The following KDM3A variants were observed in gnomAD, a reference collection of about 807,000 sequenced individuals.
KDM3A encodes lysine demethylase 3A.
Under a neutral mutation model 158.0 loss-of-function variants are expected in KDM3A, and 60 were observed. The observed-to-expected ratio is 0.38, with a 90% CI of 0.31 to 0.47. KDM3A has a LOEUF of 0.47. Ranked by LOEUF, KDM3A falls within the 20% of genes least tolerant of loss-of-function variation. The pLI, the probability that KDM3A is intolerant of heterozygous loss-of-function variation, is 0.99. For missense variants in KDM3A, 1,319 were observed against 1,574.3 expected, an observed-to-expected ratio of 0.84 and a Z score of 2.74; for synonymous variants, 608 against 549.3, an observed-to-expected ratio of 1.11 and a Z score of -1.49.
intron 3 of KDM3A, among the ~76,000 whole-genome samples, chr2:86,450,293 A>C (rs1300449011): frequency 1.3e-5 from 2 of 152,184 alleles, no homozygotes; most frequent in East Asian, 3.9e-4. Context: ...AAAAATGTGG[A>C]GAATACATCT....
chr2:86,489,100 ACCACT>A, intron 21 of KDM3A: 1 of 493,790 alleles, frequency 2.0e-6, no homozygotes, highest in Non-Finnish European at 3.6e-6. Flanking sequence ...GCCTGCTTTA[ACCACT>A]TCCATTTCCT....
At position 86,466,390 on chromosome 2, in the gene KDM3A, A is replaced by G. The variant is rs144371910; in HGVS notation, c.1026A>G (p.Leu342=). 387 of 1,610,580 alleles carry G rather than the reference A, an allele frequency of 2.4e-4. No individual in the cohort carries two copies. Among genetic ancestry groups the G allele is most frequent in the Non-Finnish European group, 3.2e-4 (376 of 1,178,388 alleles). ...KIPQGCHKQS[L]PEEISSCLNT... ...TTTTCAGATGTCATAAACAAAGTTT[A>G]CCAGAGGAAATTTCTTCCTGTCTAA... Residue 342 remains leucine (L), a synonymous_variant, in exon 10 of 26, where the codon TTA becomes TTG. Transcript: ENST00000312912.
intron 12 of KDM3A, among the ~76,000 whole-genome samples, chr2:86,476,868 C>A: frequency 6.6e-6 from 1 of 152,130 alleles, no homozygotes; most frequent in Admixed American, 6.5e-5. Context: ...TGAGTTAACC[C>A]CAAACTGGAT....
chr2:86,479,548 G>A lies in KDM3A; in HGVS notation c.2317-619G>A, dbSNP rs796156537. On this transcript the variant is annotated intron_variant, in intron 15 of 25. Coordinates refer to ENST00000312912, the MANE Select transcript of KDM3A (RefSeq NM_018433.6). ...TGGGCATCACAGAATTACATCACAT[G>A]TAAAGAGAGGGCCTGGACCACAACA... 1.4e-4 allele frequency: 21 copies of A among 151,770 alleles called. 1 individual carries two copies. The highest frequency in any genetic ancestry group is 5.1e-4 in the African/African-American group (21 of 41,518). 9.4% of individuals were successfully genotyped at this position (151,770 alleles called of 1,614,324 possible).
intron 4 of KDM3A, among the ~76,000 whole-genome samples, chr2:86,452,714 T>A (rs532255917): frequency 6.6e-6 from 1 of 152,220 alleles, no homozygotes; most frequent in Non-Finnish European, 1.5e-5. Flanking sequence ...AAAAGTAGTT[T>A]GGGGTCAGTG....
At chr2:86,440,429 C>T (rs192899000), upstream of KDM3A, among the ~76,000 whole-genome samples, 2 of 152,258 alleles carry the variant, frequency 1.3e-5, no homozygotes, top group African/African-American at 4.8e-5. Flanking sequence ...TTCATTCAAT[C>T]AAAATACTTC....
At chr2:86,467,607 G>T (rs1018264886) in intron 10 of KDM3A, among the ~76,000 whole-genome samples, 11 of 152,314 alleles carry the variant, frequency 7.2e-5, no homozygotes, top group Non-Finnish European at 1.6e-4. Context: ...GTTATCAGAA[G>T]CTCTGTTACT....
Position 86,455,199 on chromosome 2 carries a change from A to G in KDM3A, c.556+12A>G. The stretch of plus-strand genomic sequence containing the variant: ...CCATCTTTTAAAAGGTATATGCATT[A>G]TCTAGTGGTGATAGTTCACGAGTTG... On this transcript the variant is annotated intron_variant, in intron 5 of 25. Transcript: ENST00000312912. The G allele has an allele frequency of 2.1e-6, 3 of 1,409,508 alleles. No homozygotes were observed. Among genetic ancestry groups the G allele is most frequent in the Non-Finnish European group, 3.0e-6 (3 of 1,007,710 alleles). The allele number at this position is 1,409,508 out of a possible 1,614,324, so 87.3% of individuals were successfully genotyped here. A position where few individuals can be genotyped will look rare whatever the true frequency, so the allele number is the denominator to read the frequency against.
At chr2:86,467,880 C>G (rs907468524) in intron 10 of KDM3A, among the ~76,000 whole-genome samples, 3 of 151,920 alleles carry the variant, frequency 2.0e-5, no homozygotes, top group African/African-American at 7.3e-5. Context: ...TAAAAATCAG[C>G]CAGGCATGGT....
intron 10 of KDM3A, among the ~76,000 whole-genome samples, chr2:86,469,566 G>A (rs1313718430): frequency 6.6e-6 from 1 of 152,112 alleles, no homozygotes; most frequent in Admixed American, 6.6e-5. Flanking sequence ...CATAAAATCT[G>A]CATTTACTTA....
chr2:86,487,667 C>T (rs1225299775), intron 21 of KDM3A: 1 of 152,256 alleles, frequency 6.6e-6, no homozygotes, highest in Non-Finnish European at 1.5e-5. Context: ...CCCCATCACC[C>T]AACAGCCCCT....
At chr2:86,484,768 TAGG>T in intron 19 of KDM3A, 171 bp from the exon 20 acceptor site, 1 of 526,768 alleles carries the variant, frequency 1.9e-6, no homozygotes, top group Non-Finnish European at 3.4e-6. Flanking sequence ...GGATAGTTGG[TAGG>T]AGGGGAAAAT....
chr2:86,458,312 T>C (rs1299733326), intron 8 of KDM3A, among the ~76,000 whole-genome samples: 1 of 152,232 alleles, frequency 6.6e-6, no homozygotes, highest in East Asian at 1.9e-4. Flanking sequence ...CCAAAAGCTT[T>C]GTAAACCAGT....
intron 6 of KDM3A, 50 bp from the exon 7 acceptor site, chr2:86,456,755 T>C: frequency 6.8e-7 from 1 of 1,471,558 alleles, no homozygotes; most frequent in Non-Finnish European, 9.5e-7. Context: ...TTTCAGTATG[T>C]TCTTGAGCAT....
chr2:86,475,122 A>AT, intron 12 of KDM3A, 132 bp downstream of exon 12: 1 of 733,606 alleles, frequency 1.4e-6, no homozygotes, highest in Non-Finnish European at 2.3e-6. Context: ...ATGAGGTTGC[A>AT]TTTTTCCTTT....
chr2:86,447,765 A>G (rs1228868741), intron 2 of KDM3A, among the ~76,000 whole-genome samples: 2 of 152,218 alleles, frequency 1.3e-5, no homozygotes, highest in African/African-American at 2.4e-5. Flanking sequence ...TATTTTATAC[A>G]TGTAAAATCA....
At chr2:86,475,851 T>C (rs574467415) in intron 12 of KDM3A, among the ~76,000 whole-genome samples, 1 of 152,298 alleles carries the variant, frequency 6.6e-6, no homozygotes, top group East Asian at 1.9e-4. Context: ...CTTAAGAATT[T>C]TGATTTATTA....
chr2:86,471,868 C>T (rs192089712), intron 11 of KDM3A, among the ~76,000 whole-genome samples: 33 of 152,216 alleles, frequency 2.2e-4, no homozygotes, highest in African/African-American at 7.0e-4. Flanking sequence ...ACGCCTGGCC[C>T]AGAATAAGCT....
chr2:86,485,115 C>T, intron 20 of KDM3A, 86 bp downstream of exon 20: 1 of 783,206 alleles, frequency 1.3e-6, no homozygotes, highest in Non-Finnish European at 2.1e-6. Context: ...AAACAGTTTT[C>T]AAGAAAATAA....
Sources: gnomAD v4.1 joint callset for allele counts (sites outside exome capture counted in the v4.1 genomes callset) on GRCh38, gnomAD v4.1.1 for gene constraint, MANE v1.5 for transcripts, NCBI Gene and HGNC (gene_info 2026-07-23, HGNC 2026-07-21) for gene names.